The following RIPK1 variants were observed in gnomAD, a reference collection of about 807,000 sequenced individuals.
RIPK1 encodes receptor-interacting serine/threonine-protein kinase 1.
RIPK1 carries 27 observed loss-of-function variants against 62.4 expected under a neutral mutation model. The observed-to-expected ratio is 0.43, with a 90% confidence interval of 0.32 to 0.60. The LOEUF (loss-of-function observed/expected upper bound fraction) is 0.60. Among genes scored for constraint, RIPK1 ranks in the 20% least tolerant of loss-of-function variants. RIPK1 has a pLI of 0.07. For synonymous variants in RIPK1, 287 were observed against 303.2 expected, an observed-to-expected ratio of 0.95 and a Z score of 0.55; for missense variants, 735 against 831.0, an observed-to-expected ratio of 0.88 and a Z score of 1.42.
chr6:3,072,916 C>T lies in RIPK1; in HGVS notation c.-60-3848C>T, dbSNP rs533186126. 3.0e-4 allele frequency among the ~76,000 whole-genome samples: 45 copies of T among 152,208 alleles called. No homozygotes were observed. The highest frequency in any genetic ancestry group is 9.4e-4 in the African/African-American group (39 of 41,534). ...ATCTTTTATGCCCTCTGTCTCCACC[C>T]GCTCCTACCTCATTCTCACTAGGAT... On this transcript the variant is annotated intron_variant, in intron 1 of 10. Transcript: ENST00000259808. This position sits in a 1 kb window ranked among gnomAD's most constrained non-coding sequence, Gnocchi z 5.6.
chr6:3,074,926 C>T (rs553549127), intron 1 of RIPK1, among the ~76,000 whole-genome samples: 14 of 152,314 alleles, frequency 9.2e-5, no homozygotes, highest in African/African-American at 1.9e-4. Context: ...GTGATCCGCC[C>T]GCCTCAGCCT....
upstream of RIPK1, among the ~76,000 whole-genome samples, chr6:3,065,394 G>A (rs545953567): frequency 7.9e-5 from 12 of 152,108 alleles, no homozygotes; most frequent in East Asian, 1.7e-3. Flanking sequence ...GGCGTTTTGG[G>A]GAGCACAGAT....
chr6:3,079,068 G>C (rs1300312453), intron 3 of RIPK1, among the ~76,000 whole-genome samples: 2 of 151,676 alleles, frequency 1.3e-5, no homozygotes, highest in Admixed American at 1.3e-4. Context: ...ATGAGCCACT[G>C]CACCCAGCTG....
upstream of RIPK1, among the ~76,000 whole-genome samples, chr6:3,065,264 C>CAAAAAAAAA (rs57722248): frequency 6.6e-4 from 27 of 40,618 alleles, 2 homozygotes; most frequent in African/African-American, 3.0e-3. Context: ...GACTCCGTCT[C>CAAAAAAAAA]AAAAAAAAAA....
chr6:3,113,241 G>A lies in RIPK1; in HGVS notation c.1918G>A (p.Gly640Ser), dbSNP rs1761255134. ...QMLQKWVMRE[G>S]IKGATVGKLA... ...GCTCCAAAAGTGGGTGATGAGGGAA[G>A]GCATAAAGGGAGCCACGGTGGGGAA... The change falls in exon 11 of 11, where the codon GGC becomes AGC. Residue 640 changes from glycine to serine, a missense_variant. Transcript: ENST00000259808. The surrounding 1 kb of genome is among the most constrained non-coding windows in gnomAD (Gnocchi z 5.0). The A allele has an allele frequency of 6.2e-7, 1 of 1,613,988 alleles. No individual in the cohort carries two copies. Among genetic ancestry groups the A allele is most frequent in the Non-Finnish European group, 8.5e-7 (1 of 1,180,008 alleles).
At chr6:3,107,348 A>G (rs1424169557) in intron 9 of RIPK1, among the ~76,000 whole-genome samples, 2 of 149,390 alleles carry the variant, frequency 1.3e-5, no homozygotes, top group African/African-American at 2.5e-5. Flanking sequence ...CGAGGTCAGG[A>G]GATTGAGACC....
At chr6:3,077,639 G>A (rs529755370) in intron 2 of RIPK1, 140 bp from the exon 3 acceptor site, 23 of 829,884 alleles carry the variant, frequency 2.8e-5, no homozygotes, top group Non-Finnish European at 3.4e-5. Flanking sequence ...GCCTTCTAAC[G>A]CTTCTGGCCT....
At chr6:3,102,387 C>T (rs1436328048) in intron 7 of RIPK1, among the ~76,000 whole-genome samples, 1 of 152,162 alleles carries the variant, frequency 6.6e-6, no homozygotes, top group Non-Finnish European at 1.5e-5. Flanking sequence ...AAATAAACTT[C>T]ATGTTTAGAC....
At chr6:3,065,584 C>T (rs1758346935), upstream of RIPK1, among the ~76,000 whole-genome samples, 1 of 151,820 alleles carries the variant, frequency 6.6e-6, no homozygotes, top group Non-Finnish European at 1.5e-5. Context: ...CTCCCAGGCT[C>T]ACCTGGAGGA....
rs930131577 is a variant in RIPK1 at position 3,081,232 on chromosome 6, C to G, written c.459+116C>G. 8.3e-6 allele frequency: 10 copies of G among 1,204,118 alleles called. No homozygotes were observed. In the Admixed American group the frequency reaches 1.1e-4, roughly 14 times the overall value. 74.6% of individuals were successfully genotyped at this position (1,204,118 alleles called of 1,614,324 possible). On this transcript the variant is annotated intron_variant, in intron 4 of 10. Transcript: ENST00000259808. ...AAGGAAGACCTAGCTCAGCTTATAACTGTTGATGATGGTGCCGAAAGGCTC... is the reference window on the plus strand; with the variant it reads ...AAGGAAGACCTAGCTCAGCTTATAAGTGTTGATGATGGTGCCGAAAGGCTC...
chr6:3,079,088 A>AT (rs888183912), intron 3 of RIPK1, among the ~76,000 whole-genome samples: 28 of 142,414 alleles, frequency 2.0e-4, no homozygotes, highest in South Asian at 4.5e-4. Flanking sequence ...GTGTGGTGGT[A>AT]TTTTTTTTTT....
In RIPK1 at chr6:3,113,566, C is replaced by A; in HGVS notation, c.*227C>A. 2.0e-6 allele frequency: 1 copy of A among 499,770 alleles called. No homozygotes were observed. The highest frequency in any genetic ancestry group is 3.6e-6 in the Non-Finnish European group (1 of 280,198). 31.0% of individuals were successfully genotyped at this position (499,770 alleles called of 1,614,324 possible). On this transcript the variant is annotated 3_prime_UTR_variant, in exon 11 of 11. Transcript: ENST00000259808. This position sits in a 1 kb window ranked among gnomAD's most constrained non-coding sequence, Gnocchi z 5.0. ...CTCAAACTTCTGGACTCAAGTGATC[C>A]TCCCGCCTCGGCCTTCCAAAGTGCT...
intron 1 of RIPK1, 61 bp from the exon 2 acceptor site, chr6:3,076,699 CATAT>C (rs10526418): frequency 8.3e-5 from 18 of 217,762 alleles, no homozygotes; most frequent in African/African-American, 2.9e-4. Context: ...AAAAAAAAAA[CATAT>C]ATATATATAT....
At position 3,110,949 on chromosome 6, in the gene RIPK1, A is replaced by G. The variant is rs200611747; in HGVS notation, c.1723A>G (p.Ile575Val). The change falls in exon 10 of 11, where the codon ATC becomes GTC. Residue 575 changes from isoleucine (I) to valine (V), a missense_variant. Around this residue, in one of 2 missense-constraint regions of RIPK1, gnomAD observed 671 missense variants for 726.2 expected, o/e 0.92. Transcript: ENST00000259808. ...AGAGCCAGCTGCTAAGTACCAAGCT[A>G]TCTTTGGTAAGATACCCTGGAAGGA... is the stretch of plus-strand genomic sequence containing the variant. ...KEEPAAKYQA[I>V]FDNTTSLTDK... The G allele has an allele frequency of 1.8e-5, 29 of 1,610,076 alleles. No homozygotes were observed. Among genetic ancestry groups the G allele is most frequent in the Non-Finnish European group, 2.3e-5 (27 of 1,178,336 alleles).
At chr6:3,073,990 C>A (rs1758918656) in intron 1 of RIPK1, among the ~76,000 whole-genome samples, 2 of 152,218 alleles carry the variant, frequency 1.3e-5, no homozygotes, top group South Asian at 4.1e-4. Context: ...AAGTACACAT[C>A]AGTACACATC....
chr6:3,066,462 C>G (rs1046259524), upstream of RIPK1, among the ~76,000 whole-genome samples: 1 of 152,054 alleles, frequency 6.6e-6, no homozygotes, highest in Admixed American at 6.6e-5. Context: ...GTATCTAGTA[C>G]CTGCTTGGCA....
At chr6:3,084,380 CTTCT>C (rs937395448) in intron 5 of RIPK1, among the ~76,000 whole-genome samples, 13 of 152,168 alleles carry the variant, frequency 8.5e-5, no homozygotes, top group African/African-American at 3.1e-4. Flanking sequence ...CTAACCCTCC[CTTCT>C]TTGTCAGTGT....
chr6:3,090,757 G>A (rs893399341), intron 7 of RIPK1, among the ~76,000 whole-genome samples: 6 of 151,506 alleles, frequency 4.0e-5, no homozygotes, highest in Admixed American at 6.6e-5. Context: ...CCTAATAACC[G>A]CAGCGCACCT....
chr6:3,109,810 G>A (rs961256375), intron 9 of RIPK1, among the ~76,000 whole-genome samples: 6 of 152,024 alleles, frequency 3.9e-5, no homozygotes, highest in South Asian at 2.1e-4. Flanking sequence ...TCCCAGCCCC[G>A]GACAACCACC....
Sources: gnomAD v4.1 joint callset for allele counts (sites outside exome capture counted in the v4.1 genomes callset) on GRCh38, gnomAD v4.1.1 for gene constraint, gnomAD v4.1.1 regional missense constraint, Gnocchi (gnomAD v3.1) non-coding constraint, MANE v1.5 for transcripts, NCBI Gene and HGNC (gene_info 2026-07-23, HGNC 2026-07-21) for gene names.